ARHGAP45: variants seen among roughly 807,000 people sequenced by gnomAD.
ARHGAP45 encodes rho GTPase-activating protein 45.
ARHGAP45 carries 56 observed loss-of-function variants against 116.1 expected under a neutral mutation model. That is an observed-to-expected ratio of 0.48 (90% CI 0.39 to 0.60). The LOEUF (loss-of-function observed/expected upper bound fraction) is 0.60. ARHGAP45 is among the 20% of genes least tolerant of loss of function. The probability of loss-of-function intolerance (pLI) is 0.00; values close to 1 mark genes in which losing one functional copy is unlikely to be tolerated. For synonymous variants in ARHGAP45, 866 were observed against 701.7 expected, an observed-to-expected ratio of 1.23 and a Z score of -3.70; for missense variants, 1,622 against 1,601.0, an observed-to-expected ratio of 1.01 and a Z score of -0.22.
Position 1,077,901 on chromosome 19 carries a change from G to T in ARHGAP45, c.1230G>T (p.Val410=), listed in dbSNP as rs770496791. ...TGCGCAAGGCCAAGCAGGGTTACGTGCAGCGCTGCGAGGACCACGACAAGG... is the reference window on the plus strand; with the variant it reads ...TGCGCAAGGCCAAGCAGGGTTACGTTCAGCGCTGCGAGGACCACGACAAGG... The part of the protein sequence containing the change: ...SNLRKAKQGY[V]QRCEDHDKAR... Residue 410 remains valine, a synonymous_variant, in exon 11 of 23, where the codon GTG becomes GTT. Transcript: ENST00000313093. 6.4e-7 allele frequency: 1 copy of T among 1,554,566 alleles called. No homozygotes were observed. The highest frequency in any genetic ancestry group is 1.2e-5 in the South Asian group (1 of 84,316).
chr19:1,079,868 C>CG, intron 12 of ARHGAP45, 28 bp downstream of exon 12: 1 of 1,592,982 alleles, frequency 6.3e-7, no homozygotes, highest in Non-Finnish European at 8.6e-7. Context: ...GCCGCCCGGG[C>CG]GGGGATGGTG....
chr19:1,077,681 C>A, intron 10 of ARHGAP45, 176 bp from the exon 11 acceptor site: 1 of 1,466,332 alleles, frequency 6.8e-7, no homozygotes, highest in South Asian at 1.4e-5. Context: ...CCACCGCGCC[C>A]GGCCACTCCT....
Position 1,085,860 on chromosome 19 carries a change from G to A in ARHGAP45, c.3265G>A (p.Asp1089Asn). ...EATAREDGDGDEDGPAQQLSG... is the reference protein window; with the variant it reads ...EATAREDGDGNEDGPAQQLSG... Reference sequence around the variant, plus strand: ...CACAGCCCGGGAGGACGGGGACGGGGACGAGGACGGCCCGGCCCAGCAGCT... The same window carrying A: ...CACAGCCCGGGAGGACGGGGACGGGAACGAGGACGGCCCGGCCCAGCAGCT... The change falls in exon 23 of 23, where the codon GAC (aspartate) becomes AAC (asparagine). Residue 1089 changes from aspartate (D) to asparagine (N), a missense_variant. By Grantham distance (23) the Asp-to-Asn change is conservative. Around this residue, in one of 3 missense-constraint regions of ARHGAP45, gnomAD observed 1,334 missense variants for 1,263.8 expected, o/e 1.06. Coordinates refer to ENST00000313093, the MANE Select transcript of ARHGAP45 (RefSeq NM_012292.5). 1 of 1,612,692 alleles carries A rather than the reference G, an allele frequency of 6.2e-7. No individual in the cohort carries two copies. The highest frequency in any genetic ancestry group is 8.5e-7 in the Non-Finnish European group (1 of 1,179,874).
intron 2 of ARHGAP45, 42 bp from the exon 3 acceptor site, chr19:1,073,107 A>G: frequency 6.4e-7 from 1 of 1,571,958 alleles, no homozygotes; most frequent in Non-Finnish European, 8.6e-7. Context: ...TTTCCCTGGG[A>G]CTGGGCCCTA....
In ARHGAP45 at chr19:1,071,608, G is replaced by A. The variant is rs1456668652; in HGVS notation, c.422-1541G>A. The A allele has an allele frequency of 6.3e-6, 1 of 159,428 alleles. No individual in the cohort carries two copies. The highest frequency in any genetic ancestry group is 1.3e-5 in the Non-Finnish European group (1 of 74,372). The allele number at this position is 159,428 out of a possible 1,614,324, so 9.9% of individuals were successfully genotyped here. On this transcript the variant is annotated intron_variant, in intron 2 of 22. Transcript: ENST00000313093. The surrounding 1 kb of genome is among the most constrained non-coding windows in gnomAD (Gnocchi z 4.6). ...GCCGGGTGCCCGGCTGGAAGGTCCC[G>A]AGAAGGGGCGTGGCCGGGGCCTCCC...
In ARHGAP45 at chr19:1,069,624, C is replaced by A. The variant is rs1360406613; in HGVS notation, c.421+880C>A. ...CTTCAGGGCACTAGTTGGGGAAGGCCCGGTCCCCACTGGGAGGAGTGGGAG... is the reference window on the plus strand; with the variant it reads ...CTTCAGGGCACTAGTTGGGGAAGGCACGGTCCCCACTGGGAGGAGTGGGAG... On this transcript the variant is annotated intron_variant, in intron 2 of 22. Coordinates refer to ENST00000313093, the MANE Select transcript of ARHGAP45 (RefSeq NM_012292.5). This position sits in a 1 kb window ranked among gnomAD's most constrained non-coding sequence, Gnocchi z 4.1. Among the ~76,000 whole-genome samples the A allele has an allele frequency of 2.6e-5, 4 of 152,124 alleles. No homozygotes were observed. The highest frequency in any genetic ancestry group is 5.9e-5 in the Non-Finnish European group (4 of 68,008).
At chr19:1,070,220 C>T (rs1205359638) in intron 2 of ARHGAP45, among the ~76,000 whole-genome samples, 1 of 151,150 alleles carries the variant, frequency 6.6e-6, no homozygotes, top group Non-Finnish European at 1.5e-5. Flanking sequence ...GGTCTCAAAC[C>T]CCTAACCTCG....
At chr19:1,078,378 C>T (rs905285020) in intron 11 of ARHGAP45, among the ~76,000 whole-genome samples, 8 of 151,942 alleles carry the variant, frequency 5.3e-5, no homozygotes, top group Non-Finnish European at 7.4e-5. Context: ...CTCCTGACCT[C>T]GTGATCCGTC....
chr19:1,081,101 CGGGAGCCTTT>C (rs750577655), intron 17 of ARHGAP45, 37 bp downstream of exon 17: 1 of 1,569,512 alleles, frequency 6.4e-7, no homozygotes, highest in East Asian at 2.3e-5. Context: ...TGGGAGCCTT[CGGGAGCCTTT>C]GGGGTGCCCA....
rs563786086 is a variant in ARHGAP45, at chr19:1,078,645, A to C, written c.1374+600A>C. On this transcript the variant is annotated intron_variant, in intron 11 of 22. Transcript: ENST00000313093. ...AGGTTGGTCTCAAACTCCTGACCTCATGATCCACCCACTTCGGCCTCCCAA... is the reference window on the plus strand; with the variant it reads ...AGGTTGGTCTCAAACTCCTGACCTCCTGATCCACCCACTTCGGCCTCCCAA... 7.8e-5 allele frequency among the ~76,000 whole-genome samples: 10 copies of C among 128,972 alleles called. No individual in the cohort carries two copies. The South Asian group carries it at 1.1e-3, about 14-fold the overall frequency. The allele number at this position is 128,972 out of a possible 152,430, so 84.6% of individuals were successfully genotyped here.
intron 10 of ARHGAP45, 125 bp from the exon 11 acceptor site, chr19:1,077,732 A>C: frequency 3.3e-6 from 5 of 1,525,294 alleles, no homozygotes; most frequent in Non-Finnish European, 4.4e-6. Context: ...GGTCCTCTGC[A>C]TGCCCAGCTG....
In ARHGAP45 at chr19:1,068,686, G is replaced by A. The variant is rs146108815; in HGVS notation, c.363G>A (p.Ala121=). Reference sequence around the variant, plus strand: ...TCGAGGACATCTCCCATCTGCTGGCGGACGTGGCCCGCTTCGCTGAGGGCC... The same window carrying A: ...TCGAGGACATCTCCCATCTGCTGGCAGACGTGGCCCGCTTCGCTGAGGGCC... ...DVVEDISHLL[A]DVARFAEGLE... The change falls in exon 2 of 23, where the codon GCG becomes GCA. Residue 121 remains alanine, a synonymous_variant. Transcript: ENST00000313093. The surrounding 1 kb of genome is among the most constrained non-coding windows in gnomAD (Gnocchi z 7.5). 5.3e-5 allele frequency: 86 copies of A among 1,612,676 alleles called. No homozygotes were observed. The African/African-American group carries it at 7.6e-4, about 14-fold the overall frequency.
Position 1,085,730 on chromosome 19 carries a change from G to T in ARHGAP45, c.3135G>T (p.Glu1045Asp). The T allele has an allele frequency of 6.2e-7, 1 of 1,611,114 alleles. No homozygotes were observed. Among genetic ancestry groups the T allele is most frequent in the Non-Finnish European group, 8.5e-7 (1 of 1,179,212 alleles). ...EEASELLSSS[E>D]ASALGHLSFL... ...CCTCCGAGCTGCTGTCCTCATCGGAGGCCAGTGCCCTGGGCCACCTCAGCT... is the reference window on the plus strand; with the variant it reads ...CCTCCGAGCTGCTGTCCTCATCGGATGCCAGTGCCCTGGGCCACCTCAGCT... Residue 1045 changes from glutamate to aspartate, a missense_variant, in exon 23 of 23, where the codon GAG becomes GAT. Physicochemically the swap from Glu to Asp is conservative, Grantham distance 45 (BLOSUM62 2). Transcript: ENST00000313093.
rs2043087226 is a variant in ARHGAP45, at chr19:1,068,798, G to A, written c.421+54G>A. 1.3e-6 allele frequency: 2 copies of A among 1,538,404 alleles called. No homozygotes were observed. The highest frequency in any genetic ancestry group is 1.4e-5 in the African/African-American group (1 of 73,264). The stretch of plus-strand genomic sequence containing the variant: ...GGTGGAAGACAGAGCCAGACCCAAG[G>A]GAGGATGGAGGGAGGGACTTGGGGA... On this transcript the variant is annotated intron_variant, in intron 2 of 22. Coordinates refer to ENST00000313093, the MANE Select transcript of ARHGAP45 (RefSeq NM_012292.5). This position sits in a 1 kb window ranked among gnomAD's most constrained non-coding sequence, Gnocchi z 7.5.
Position 1,080,543 on chromosome 19 carries a change from C to T in ARHGAP45, c.1908C>T (p.Gly636=), listed in dbSNP as rs2043402715. The change falls in exon 15 of 23, where the codon GGC becomes GGT. Residue 636 remains glycine (G), a synonymous_variant. Coordinates refer to ENST00000313093, the MANE Select transcript of ARHGAP45 (RefSeq NM_012292.5). ...DSDSGLDPGP[G]AGDFKKFERT... is the part of the protein sequence containing the mutation. ...ACAGTGGGCTGGACCCCGGCCCTGG[C>T]GCAGGTGAGGGAGGCTCTCTGGCGG... 2.5e-6 allele frequency: 4 copies of T among 1,612,632 alleles called. No individual in the cohort carries two copies. Among genetic ancestry groups the T allele is most frequent in the South Asian group, 1.1e-5 (1 of 91,088 alleles).
At chr19:1,085,477 T>TCTC (rs2043583834) in intron 22 of ARHGAP45, among the ~76,000 whole-genome samples, 183 bp from the exon 23 acceptor site, 3 of 136,702 alleles carry the variant, frequency 2.2e-5, no homozygotes, top group South Asian at 2.3e-4. Context: ...CCGCCATGTC[T>TCTC]CTCCATCTGT....
chr19:1,072,830 G>C (rs1369548068), intron 2 of ARHGAP45, among the ~76,000 whole-genome samples: 1 of 152,216 alleles, frequency 6.6e-6, no homozygotes, highest in Non-Finnish European at 1.5e-5. Flanking sequence ...GAAGGAGCCT[G>C]GTGGGCTGCA....
intron 19 of ARHGAP45, 120 bp downstream of exon 19, chr19:1,082,081 G>A: frequency 9.3e-7 from 1 of 1,077,064 alleles, no homozygotes; most frequent in Non-Finnish European, 1.3e-6. Context: ...GGCGCAAGCG[G>A]GGGCCTGGGG....
Position 1,078,011 on chromosome 19 carries a change from AGCG to A in ARHGAP45, c.1349_1351del (p.Arg450del), listed in dbSNP as rs756538600. On this transcript the variant is annotated inframe_deletion, in exon 11 of 23. Coordinates refer to ENST00000313093, the MANE Select transcript of ARHGAP45 (RefSeq NM_012292.5). ...AGCACGGCCACCAAGACCCTGGACA[AGCG>A]GCGGCGGCTGGAGGAGGAGGCCAAG... The A allele has an allele frequency of 2.6e-6, 4 of 1,553,602 alleles. No homozygotes were observed. The highest frequency in any genetic ancestry group is 2.4e-5 in the East Asian group (1 of 41,678).
Sources: gnomAD v4.1 joint callset for allele counts (sites outside exome capture counted in the v4.1 genomes callset) on GRCh38, gnomAD v4.1.1 for gene constraint, gnomAD v4.1.1 regional missense constraint, Gnocchi (gnomAD v3.1) non-coding constraint, MANE v1.5 for transcripts, NCBI Gene and HGNC (gene_info 2026-07-23, HGNC 2026-07-21) for gene names.